The following TXLNB variants were observed in gnomAD, a reference collection of about 807,000 sequenced individuals.
TXLNB encodes taxilin beta, also known as beta-taxilin.
TXLNB carries 37 observed loss-of-function variants against 57.4 expected under a neutral mutation model. The observed-to-expected ratio is 0.64, with a 90% CI of 0.50 to 0.85. The LOEUF is 0.85. Ranked by LOEUF, TXLNB falls within the 40% of genes least tolerant of loss-of-function variation. The probability of loss-of-function intolerance (pLI) is 0.00; values close to 1 mark genes in which losing one functional copy is unlikely to be tolerated. For synonymous variants in TXLNB, 302 were observed against 309.6 expected, an observed-to-expected ratio of 0.98 and a Z score of 0.26; for missense variants, 848 against 825.6, an observed-to-expected ratio of 1.03 and a Z score of -0.33.
At chr6:139,264,540 TA>T (rs1776565125) in intron 4 of TXLNB, among the ~76,000 whole-genome samples, 1 of 149,908 alleles carries the variant, frequency 6.7e-6, no homozygotes, top group African/African-American at 2.5e-5. Flanking sequence ...CATATATATA[TA>T]TTTTTTGTTT....
the TXLNB span, among the ~76,000 whole-genome samples, chr6:139,160,693 C>T: frequency 2.6e-5 from 4 of 152,184 alleles, no homozygotes; most frequent in East Asian, 1.9e-4. Flanking sequence ...GAATTACAGG[C>T]GTGAGCCACT....
In TXLNB at chr6:139,242,532, G is replaced by C. The variant is rs202149819; in HGVS notation, c.2049C>G (p.Val683=). ...RNVADTNLEG[V]D ...TCTGAAGGCACGGTGAGGCTTAGTC[G>C]ACGCCTTCCAGATTGGTGTCAGCCA... Residue 683 remains valine, a synonymous_variant, in exon 10 of 10, where the codon GTC becomes GTG. Transcript: ENST00000358430. The C allele has an allele frequency of 2.7e-6, 4 of 1,500,562 alleles. No homozygotes were observed. In the East Asian group the frequency reaches 9.4e-5, roughly 35 times the overall value. 93.0% of individuals were successfully genotyped at this position (1,500,562 alleles called of 1,614,324 possible). A position where few individuals can be genotyped will look rare whatever the true frequency, so the allele number is the denominator to read the frequency against.
chr6:139,295,280 C>T (rs935029111), upstream of TXLNB, among the ~76,000 whole-genome samples: 1 of 152,040 alleles, frequency 6.6e-6, no homozygotes, highest in African/African-American at 2.4e-5. Context: ...GATAGGGGCC[C>T]AAAAAACTGG....
chr6:139,252,668 C>A (rs1342378186), intron 7 of TXLNB, among the ~76,000 whole-genome samples: 1 of 152,160 alleles, frequency 6.6e-6, no homozygotes, highest in Non-Finnish European at 1.5e-5. Context: ...ATCATCTTTT[C>A]CAGCGGTTCT....
rs754390761 is a variant in TXLNB at position 139,288,862 on chromosome 6, C to T, written c.38G>A (p.Arg13Gln). 13 of 1,614,050 alleles carry T rather than the reference C, an allele frequency of 8.1e-6. No homozygotes were observed. The highest frequency in any genetic ancestry group is 3.3e-4 in the Middle Eastern group (2 of 6,060). Residue 13 changes from arginine to glutamine, a missense_variant, in exon 2 of 10, where the codon CGA becomes CAA. Coordinates refer to ENST00000358430, the MANE Select transcript of TXLNB (RefSeq NM_153235.4). ...ACTGTCACCTGGAGGTGTTGACTGT[C>T]GTTCCGCTGAGAGCTGTTCAGAGTG... ...ANHSEQLSAERQSTPPGDSSS... is the reference protein window; with the variant it reads ...ANHSEQLSAEQQSTPPGDSSS...
At chr6:139,249,655 C>T (rs1016130204) in intron 7 of TXLNB, among the ~76,000 whole-genome samples, 1 of 152,008 alleles carries the variant, frequency 6.6e-6, no homozygotes, top group Non-Finnish European at 1.5e-5. Context: ...GTCAAACAAC[C>T]CCTAGAGCCC....
At chr6:139,276,943 A>G in intron 2 of TXLNB, 22 bp from the exon 3 acceptor site, 2 of 1,561,194 alleles carry the variant, frequency 1.3e-6, no homozygotes, top group Non-Finnish European at 1.7e-6. Context: ...AAGACATGAA[A>G]AAAATAAGTG....
At chr6:139,293,070 G>T (rs1463587334), upstream of TXLNB, among the ~76,000 whole-genome samples, 1 of 152,080 alleles carries the variant, frequency 6.6e-6, no homozygotes, top group African/African-American at 2.4e-5. Context: ...TTGAACTACT[G>T]GGTGGGTTCA....
the TXLNB span, among the ~76,000 whole-genome samples, chr6:139,316,338 G>T: frequency 6.6e-6 from 1 of 151,582 alleles, no homozygotes; most frequent in Non-Finnish European, 1.5e-5. Flanking sequence ...ATATGATCAG[G>T]TTTCTTATCC....
chr6:139,302,865 T>G, the TXLNB span, among the ~76,000 whole-genome samples: 3 of 152,064 alleles, frequency 2.0e-5, no homozygotes, highest in African/African-American at 4.8e-5. Context: ...AACTGGAAAA[T>G]TAATGTGATT....
chr6:139,191,482 G>A, the TXLNB span, among the ~76,000 whole-genome samples: 3 of 152,166 alleles, frequency 2.0e-5, no homozygotes, highest in Admixed American at 6.5e-5. Context: ...CAAGTTCTCC[G>A]TAGTCACATG....
At chr6:139,294,988 CAA>C (rs533337037), upstream of TXLNB, among the ~76,000 whole-genome samples, 15 of 135,044 alleles carry the variant, frequency 1.1e-4, no homozygotes, top group African/African-American at 4.1e-4. Context: ...GACTCTGTCT[CAA>C]AAAAAAAAAA....
At chr6:139,302,128 A>G in the TXLNB span, among the ~76,000 whole-genome samples, 1 of 152,162 alleles carries the variant, frequency 6.6e-6, no homozygotes, top group African/African-American at 2.4e-5. Context: ...ATATTTAGCT[A>G]AAAATAAGAT....
chr6:139,245,859 AT>A (rs201138901), intron 8 of TXLNB, among the ~76,000 whole-genome samples: 13,027 of 151,898 alleles, frequency 0.086, 594 homozygotes, highest in Middle Eastern at 0.11. Flanking sequence ...TTCCTGGCTA[AT>A]TTTTTTGTAT....
chr6:139,190,903 C>T, the TXLNB span, among the ~76,000 whole-genome samples: 1 of 152,064 alleles, frequency 6.6e-6, no homozygotes, highest in Non-Finnish European at 1.5e-5. Context: ...TAGCAGTGCT[C>T]CTGTGTGGGA....
intron 1 of TXLNB, among the ~76,000 whole-genome samples, 195 bp downstream of exon 1, chr6:139,291,726 C>T (rs927721342): frequency 6.6e-6 from 1 of 152,170 alleles, no homozygotes; most frequent in African/African-American, 2.4e-5. Context: ...AGGGAGAGAA[C>T]TTTTCACTTG....
At chr6:139,193,681 G>A in the TXLNB span, among the ~76,000 whole-genome samples, 1 of 150,416 alleles carries the variant, frequency 6.6e-6, no homozygotes, top group East Asian at 1.9e-4. Context: ...TGAAGACGGA[G>A]TTTTGCTCTG....
upstream of TXLNB, among the ~76,000 whole-genome samples, chr6:139,296,259 T>C (rs1033747784): frequency 6.6e-6 from 1 of 152,226 alleles, no homozygotes; most frequent in Non-Finnish European, 1.5e-5. Context: ...TGAAATATCT[T>C]TTTGATACCC....
chr6:139,280,703 A>T (rs1188334749), intron 2 of TXLNB, among the ~76,000 whole-genome samples: 1 of 152,158 alleles, frequency 6.6e-6, no homozygotes, highest in African/African-American at 2.4e-5. Flanking sequence ...TTGGGGTTAA[A>T]TTTCATTATA....
Sources: allele counts gnomAD v4.1 joint callset (sites outside exome capture counted in the v4.1 genomes callset), GRCh38; gene constraint gnomAD v4.1.1; transcripts MANE v1.5; gene names NCBI Gene and HGNC (gene_info 2026-07-23, HGNC 2026-07-21).